The following SPRY3 variants were observed in gnomAD, a reference collection of about 807,000 sequenced individuals.
SPRY3 encodes protein sprouty homolog 3.
In SPRY3, 15 loss-of-function variants were observed where a neutral mutation model predicts 20.2. The ratio of observed to expected loss-of-function variants is 0.74; its 90% confidence interval spans 0.50 to 1.14. SPRY3 has a LOEUF of 1.14. Ranked by LOEUF, SPRY3 falls within the 50% of genes most tolerant of loss-of-function variation. The pLI, the probability that SPRY3 is intolerant of heterozygous loss-of-function variation, is 0.00. For missense variants in SPRY3, 364 were observed against 363.9 expected (o/e 1.00, Z 0.00); for synonymous variants, 143 against 136.5 (o/e 1.05, Z -0.33).
At chrX:155,714,190 T>A (rs1306550575) in intron 2 of SPRY3, among the ~76,000 whole-genome samples, 6 of 152,222 alleles carry the variant, frequency 3.9e-5, no homozygotes, top group South Asian at 2.1e-4. Context: ...TCTCCAGGAT[T>A]GATCCCTGAT....
chrX:155,759,070 CT>C (rs769114368), intron 2 of SPRY3, among the ~76,000 whole-genome samples: 6,540 of 142,312 alleles, frequency 0.046, 217 homozygotes, highest in African/African-American at 0.11. Context: ...CTTATTAATT[CT>C]TTTTTTTTTT....
chrX:155,629,831 T>C (rs1444126906), intron 1 of SPRY3, among the ~76,000 whole-genome samples: 1 of 112,289 alleles, frequency 8.9e-6, no homozygotes, highest in African/African-American at 3.2e-5. Context: ...ATTAGATACA[T>C]AGTTTGCAAA....
downstream of SPRY3, chrX:155,781,502 C>A (rs1365787299): frequency 6.0e-6 from 1 of 166,994 alleles, no homozygotes; most frequent in Non-Finnish European, 1.5e-5. Flanking sequence ...GTGACTTACT[C>A]ATAACCACAC....
intron 2 of SPRY3, among the ~76,000 whole-genome samples, chrX:155,761,834 G>A (rs1010238599): frequency 2.8e-4 from 42 of 150,198 alleles, no homozygotes; most frequent in Non-Finnish European, 4.7e-4. Context: ...TCATATGTTT[G>A]TTGGCTATAT....
chrX:155,622,782 G>C (rs938834861), intron 1 of SPRY3, among the ~76,000 whole-genome samples: 1 of 111,834 alleles, frequency 8.9e-6, no homozygotes, highest in Non-Finnish European at 1.9e-5. Flanking sequence ...GAGTCAAGCA[G>C]ACCAACAGAT....
At chrX:155,685,372 T>C (rs1273921608) in intron 2 of SPRY3, among the ~76,000 whole-genome samples, 1 of 110,668 alleles carries the variant, frequency 9.0e-6, no homozygotes, top group African/African-American at 3.3e-5. Flanking sequence ...AGTAAGTCCA[T>C]GTAGTAATAT....
At chrX:155,626,853 A>T (rs782737755) in intron 1 of SPRY3, among the ~76,000 whole-genome samples, 1 of 111,679 alleles carries the variant, frequency 9.0e-6, no homozygotes, top group East Asian at 2.8e-4. Context: ...ACTCAATATG[A>T]CCTGAGAAAG....
intron 2 of SPRY3, among the ~76,000 whole-genome samples, chrX:155,753,187 C>T (rs1349655205): frequency 1.3e-5 from 2 of 151,866 alleles, no homozygotes; most frequent in Non-Finnish European, 2.9e-5. Context: ...ACTATCACCA[C>T]TATCTTATAC....
At chrX:155,659,104 C>CTTTCT (rs782779524) in intron 2 of SPRY3, among the ~76,000 whole-genome samples, 7 of 83,925 alleles carry the variant, frequency 8.3e-5, no homozygotes, top group Non-Finnish European at 1.4e-4. Flanking sequence ...TTTTTTCTTT[C>CTTTCT]TTCTTTCTTT....
At chrX:155,644,809 A>G (rs2067952520) in intron 1 of SPRY3, among the ~76,000 whole-genome samples, 1 of 111,196 alleles carries the variant, frequency 9.0e-6, no homozygotes, top group Non-Finnish European at 1.9e-5. Context: ...AGGGACCCCA[A>G]GAGTCCACTT....
intron 2 of SPRY3, among the ~76,000 whole-genome samples, chrX:155,700,800 C>G (rs2124005558): frequency 2.0e-5 from 1 of 51,275 alleles, no homozygotes; most frequent in South Asian, 1.2e-3. Flanking sequence ...GTGTGATATT[C>G]CCCTTCCTGT....
intron 2 of SPRY3, among the ~76,000 whole-genome samples, chrX:155,736,802 C>A (rs1349099634): frequency 1.3e-5 from 2 of 151,892 alleles, no homozygotes; most frequent in South Asian, 2.1e-4. Flanking sequence ...TTCTTTCTCT[C>A]TTTCTTCTTC....
chrX:155,618,351 A>G (rs2067860657), intron 1 of SPRY3, among the ~76,000 whole-genome samples: 1 of 111,360 alleles, frequency 9.0e-6, no homozygotes, highest in African/African-American at 3.3e-5. Context: ...GTGTGTGTCA[A>G]TAGTTGATTC....
At chrX:155,659,548 G>A (rs1557353454) in intron 2 of SPRY3, among the ~76,000 whole-genome samples, 3 of 110,800 alleles carry the variant, frequency 2.7e-5, no homozygotes, top group African/African-American at 9.9e-5. Context: ...GGGTGATGAT[G>A]GCTTTATAGA....
intron 2 of SPRY3, among the ~76,000 whole-genome samples, chrX:155,757,337 A>G (rs774363843): frequency 2.0e-5 from 3 of 152,204 alleles, no homozygotes; most frequent in Admixed American, 2.0e-4. Context: ...AGCCTTCCCC[A>G]TATAGCTGGA....
intron 2 of SPRY3, among the ~76,000 whole-genome samples, chrX:155,734,602 A>G (rs1326704189): frequency 2.6e-5 from 4 of 152,002 alleles, no homozygotes; most frequent in Non-Finnish European, 5.9e-5. Context: ...ATGCTGTTAG[A>G]AAAACGGTAT....
chrX:155,750,754 G>C (rs1215349473), intron 2 of SPRY3, among the ~76,000 whole-genome samples: 1 of 151,798 alleles, frequency 6.6e-6, no homozygotes, highest in African/African-American at 2.4e-5. Flanking sequence ...AAAATAGACG[G>C]CTGGTGGGTT....
intron 1 of SPRY3, among the ~76,000 whole-genome samples, chrX:155,619,862 T>C (rs1255902436): frequency 9.0e-6 from 1 of 110,843 alleles, no homozygotes; most frequent in Non-Finnish European, 1.9e-5. Context: ...ACAAACCCAA[T>C]TAGAAATGGG....
intron 2 of SPRY3, among the ~76,000 whole-genome samples, chrX:155,715,056 T>C (rs1181763004): frequency 6.6e-6 from 1 of 152,098 alleles, no homozygotes; most frequent in Non-Finnish European, 1.5e-5. Context: ...AACAGTGTGA[T>C]TGTTGCTCTA....
Sources: allele counts gnomAD v4.1 joint callset (sites outside exome capture counted in the v4.1 genomes callset), GRCh38; gene constraint gnomAD v4.1.1; transcripts MANE v1.5; gene names NCBI Gene and HGNC (gene_info 2026-07-23, HGNC 2026-07-21).